The following CDH23 variants were observed in gnomAD, a reference collection of about 807,000 sequenced individuals.
CDH23 encodes cadherin-23.
A neutral mutation model predicts 317.1 loss-of-function variants in CDH23; 189 were observed. The observed-to-expected ratio is 0.60, with a 90% confidence interval of 0.53 to 0.67. The LOEUF (loss-of-function observed/expected upper bound fraction) is 0.67, where lower values mean the gene tolerates loss of function less well. CDH23 is among the 30% of genes least tolerant of loss of function. The pLI is 0.00. For synonymous variants in CDH23, 1,839 were observed against 1,876.8 expected (o/e 0.98, Z 0.52); for missense variants, 4,401 against 4,592.4 (o/e 0.96, Z 1.20).
chr10:71,687,625 A>G, intron 18 of CDH23, 22 bp from the exon 19 acceptor site: 1 of 1,613,216 alleles, frequency 6.2e-7, no homozygotes, highest in Non-Finnish European at 8.5e-7. Flanking sequence ...AGCCTCCTGC[A>G]ACCTGTCTGT....
Position 71,677,483 on chromosome 10 carries a change from C to T in CDH23, c.1542C>T (p.Leu514=). ...DRFSLDKDTG[L]IMLIARLDYE... Reference sequence around the variant, plus strand: ...TCTCGCTGGACAAGGACACGGGACTCATCATGCTGATTGCCAGGCTGGACT... The same window carrying T: ...TCTCGCTGGACAAGGACACGGGACTTATCATGCTGATTGCCAGGCTGGACT... The change falls in exon 16 of 70, where the codon CTC becomes CTT. Residue 514 remains leucine, a synonymous_variant. Coordinates refer to ENST00000224721, the MANE Select transcript of CDH23 (RefSeq NM_022124.6). 6.2e-7 allele frequency: 1 copy of T among 1,611,148 alleles called. No homozygotes were observed. Among genetic ancestry groups the T allele is most frequent in the Non-Finnish European group, 8.5e-7 (1 of 1,178,936 alleles).
intron 9 of CDH23, among the ~76,000 whole-genome samples, chr10:71,608,936 C>T (rs1396363415): frequency 6.6e-6 from 1 of 152,204 alleles, no homozygotes; most frequent in East Asian, 1.9e-4. Context: ...GCTGTTAGCC[C>T]AGCGGAGCAG....
At chr10:71,593,313 A>T (rs1167641138) in intron 9 of CDH23, among the ~76,000 whole-genome samples, 1 of 152,240 alleles carries the variant, frequency 6.6e-6, no homozygotes, top group African/African-American at 2.4e-5. Context: ...ACCATACACC[A>T]TATACCAAGG....
intron 14 of CDH23, among the ~76,000 whole-genome samples, chr10:71,654,559 G>A (rs980296424): frequency 3.3e-5 from 5 of 152,188 alleles, no homozygotes; most frequent in African/African-American, 9.7e-5. Flanking sequence ...GAAAGGGTGC[G>A]GTAGGGAGGC....
chr10:71,619,337 A>C (rs569924928), intron 11 of CDH23, among the ~76,000 whole-genome samples: 91 of 151,720 alleles, frequency 6.0e-4, no homozygotes, highest in African/African-American at 8.2e-4. Context: ...AAAAAAAAAA[A>C]CCCCAAAAAA....
At chr10:71,408,599 C>G (rs940944581) in intron 1 of CDH23, among the ~76,000 whole-genome samples, 1 of 151,258 alleles carries the variant, frequency 6.6e-6, no homozygotes, top group Admixed American at 6.6e-5. Context: ...TGGCCATGGG[C>G]TAGGACCTGC....
chr10:71,421,584 G>A (rs1161598645), intron 1 of CDH23, among the ~76,000 whole-genome samples: 1 of 152,182 alleles, frequency 6.6e-6, no homozygotes, highest in Non-Finnish European at 1.5e-5. Context: ...TACTGCTCTG[G>A]AGAAAAGCTT....
At chr10:71,476,699 T>C (rs1373391166) in intron 3 of CDH23, among the ~76,000 whole-genome samples, 1 of 152,210 alleles carries the variant, frequency 6.6e-6, no homozygotes, top group Non-Finnish European at 1.5e-5. Context: ...TCGTAGAACC[T>C]GGATATACGA....
At chr10:71,515,386 T>TCA (rs1854241737) in intron 6 of CDH23, among the ~76,000 whole-genome samples, 1 of 132,228 alleles carries the variant, frequency 7.6e-6, no homozygotes, top group African/African-American at 3.1e-5. Flanking sequence ...TCTCTCTCTC[T>TCA]CTCTCTCTCA....
rs1864961748 is a variant in CDH23 at position 71,687,639 on chromosome 10, C to T, written c.1987-8C>T. 1.2e-6 allele frequency: 2 copies of T among 1,613,634 alleles called. No individual in the cohort carries two copies. The highest frequency in any genetic ancestry group is 1.1e-5 in the South Asian group (1 of 91,064). On this transcript the variant is annotated splice_region_variant and splice_polypyrimidine_tract_variant and intron_variant, in intron 18 of 69. Transcript: ENST00000224721. ...CAGCCTCCTGCAACCTGTCTGTGTT[C>T]CTTCCAGGATGAGAATGACAACCCT...
chr10:71,621,265 A>C (rs1372184777), intron 11 of CDH23, among the ~76,000 whole-genome samples: 6 of 152,222 alleles, frequency 3.9e-5, no homozygotes, highest in Non-Finnish European at 8.8e-5. Context: ...TGTGGCAGGA[A>C]AATGTGTTCG....
chr10:71,499,417 C>T (rs1052851865), intron 3 of CDH23, among the ~76,000 whole-genome samples: 2 of 151,668 alleles, frequency 1.3e-5, no homozygotes, highest in Non-Finnish European at 2.9e-5. Flanking sequence ...CAAAAATTAG[C>T]CACGCATAGT....
intron 48 of CDH23, among the ~76,000 whole-genome samples, chr10:71,794,022 A>G (rs1841338718): frequency 6.6e-6 from 1 of 151,564 alleles, no homozygotes; most frequent in South Asian, 2.1e-4. Flanking sequence ...TTTTTTTGAG[A>G]TGGAATTTCA....
intron 10 of CDH23, 74 bp from the exon 11 acceptor site, chr10:71,617,131 A>G: frequency 6.6e-7 from 1 of 1,523,136 alleles, no homozygotes; most frequent in Non-Finnish European, 8.9e-7. Flanking sequence ...TGGTGCTGAG[A>G]AAGTCTTTGG....
chr10:71,813,266 T>C lies in CDH23; in HGVS notation c.9656T>C (p.Leu3219Pro), dbSNP rs1376677732. 1.9e-6 allele frequency: 3 copies of C among 1,551,628 alleles called. No individual in the cohort carries two copies. In the East Asian group the frequency reaches 7.3e-5, roughly 38 times the overall value. The part of the protein sequence containing the change: ...PIKGSLLKVV[L>P]EDYLRLKKLF... ...CAGGGCTCGCTGCTGAAGGTGGTCC[T>C]GGAGGATTACCTGCGGCTCAAAAAG... Residue 3219 changes from leucine to proline, a missense_variant, in exon 69 of 70, where the codon CTG becomes CCG. This residue lies in a region of CDH23 where 1,144 missense variants were observed against 1,138.2 expected (regional missense o/e 1.01). Transcript: ENST00000224721.
chr10:71,760,695 G>C, intron 38 of CDH23: 1 of 644,316 alleles, frequency 1.6e-6, no homozygotes, highest in Non-Finnish European at 2.8e-6. Flanking sequence ...GTGGGCTTCT[G>C]GGGATTGCAC....
intron 8 of CDH23, among the ~76,000 whole-genome samples, chr10:71,572,899 G>C (rs1478288036): frequency 6.6e-6 from 1 of 152,170 alleles, no homozygotes; most frequent in Admixed American, 6.5e-5. Flanking sequence ...AGGGCATCAT[G>C]CCCAGAGCTA....
chr10:71,744,249 C>T (rs1839802827), intron 38 of CDH23, among the ~76,000 whole-genome samples: 1 of 152,124 alleles, frequency 6.6e-6, no homozygotes, highest in South Asian at 2.1e-4. Flanking sequence ...TGCCACACTG[C>T]CCTCCCCAAT....
intron 3 of CDH23, among the ~76,000 whole-genome samples, chr10:71,479,361 C>A (rs971506490): frequency 6.6e-6 from 1 of 152,196 alleles, no homozygotes; most frequent in Non-Finnish European, 1.5e-5. Context: ...AGTGTGGACA[C>A]CTTCAGGAGG....
Sources: allele counts gnomAD v4.1 joint callset (sites outside exome capture counted in the v4.1 genomes callset), GRCh38; gene constraint gnomAD v4.1.1; regional missense constraint gnomAD v4.1.1; transcripts MANE v1.5; gene names NCBI Gene and HGNC (gene_info 2026-07-23, HGNC 2026-07-21).